Variants in RPH3A observed in about 807,000 individuals in gnomAD.
The protein encoded by RPH3A is rabphilin 3A.
In RPH3A, 48 loss-of-function variants were observed where a neutral mutation model predicts 102.2. That is an observed-to-expected ratio of 0.47 (90% CI 0.37 to 0.60). The LOEUF (loss-of-function observed/expected upper bound fraction) is 0.60. Ranked by LOEUF, RPH3A falls within the 20% of genes least tolerant of loss-of-function variation. RPH3A has a pLI of 0.00. For missense variants in RPH3A, 781 were observed against 910.1 expected (o/e 0.86, Z 1.83); for synonymous variants, 310 against 324.3 (o/e 0.96, Z 0.47).
intron 5 of RPH3A, among the ~76,000 whole-genome samples, chr12:112,859,244 A>G (rs2042467750): frequency 6.6e-6 from 1 of 152,178 alleles, no homozygotes; most frequent in African/African-American, 2.4e-5. Flanking sequence ...ATGAGAGGAA[A>G]CTTGAGCTGC....
intron 4 of RPH3A, chr12:112,842,065 G>A (rs1031680163): frequency 8.8e-6 from 4 of 455,774 alleles, no homozygotes; most frequent in South Asian, 4.6e-5. Context: ...TCCAGGCTGT[G>A]CGTTTTGTTT....
intron 1 of RPH3A, among the ~76,000 whole-genome samples, chr12:112,716,655 T>C (rs1239176846): frequency 6.6e-6 from 1 of 152,202 alleles, no homozygotes; most frequent in Non-Finnish European, 1.5e-5. Flanking sequence ...CCACACCAAG[T>C]CACATGCCCA....
chr12:112,748,177 A>C (rs562064987), intron 1 of RPH3A, among the ~76,000 whole-genome samples: 76 of 152,356 alleles, frequency 5.0e-4, no homozygotes, highest in African/African-American at 1.8e-3. Context: ...CTATGAGGGC[A>C]GAGAACATGT....
At chr12:112,659,552 T>G (rs960146080) in intron 1 of RPH3A, among the ~76,000 whole-genome samples, 1 of 152,224 alleles carries the variant, frequency 6.6e-6, no homozygotes, top group Non-Finnish European at 1.5e-5. Flanking sequence ...CTGATGGTAT[T>G]CAATTTGATC....
At chr12:112,886,150 G>A (rs568896451) in intron 16 of RPH3A, among the ~76,000 whole-genome samples, 1 of 152,238 alleles carries the variant, frequency 6.6e-6, no homozygotes, top group South Asian at 2.1e-4. Context: ...GCCAAGGAGT[G>A]CGGTACTTTT....
chr12:112,748,267 G>A (rs1357806257), intron 1 of RPH3A, among the ~76,000 whole-genome samples: 1 of 152,114 alleles, frequency 6.6e-6, no homozygotes, highest in African/African-American at 2.4e-5. Context: ...GACGTGTATG[G>A]CTATACATTG....
At chr12:112,794,230 T>A (rs1328024077) in intron 2 of RPH3A, among the ~76,000 whole-genome samples, 1 of 152,198 alleles carries the variant, frequency 6.6e-6, no homozygotes, top group Admixed American at 6.5e-5. Context: ...TTTCTGGGCC[T>A]CAGCTTCCCC....
upstream of RPH3A, among the ~76,000 whole-genome samples, chr12:112,790,252 T>A (rs1394135401): frequency 1.3e-5 from 2 of 152,102 alleles, no homozygotes; most frequent in Admixed American, 1.3e-4. Context: ...GAGATGGGGT[T>A]TCACCATGTT....
intron 1 of RPH3A, among the ~76,000 whole-genome samples, chr12:112,625,744 C>A (rs2039764700): frequency 2.8e-5 from 3 of 108,562 alleles, no homozygotes; most frequent in African/African-American, 3.8e-5. Flanking sequence ...GAGCCTGCAT[C>A]GCCAAGTCAA....
At chr12:112,895,419 T>C (rs548693060) in intron 20 of RPH3A, 97 of 192,142 alleles carry the variant, frequency 5.0e-4, no homozygotes, top group African/African-American at 2.2e-3. Context: ...CTACTTTTAT[T>C]CCTAAGCAAT....
At chr12:112,596,957 A>C (rs1293176876) in intron 1 of RPH3A, among the ~76,000 whole-genome samples, 3 of 152,198 alleles carry the variant, frequency 2.0e-5, no homozygotes, top group Admixed American at 1.3e-4. Context: ...ATAGGTTAAA[A>C]ACATTTTTGG....
intron 1 of RPH3A, among the ~76,000 whole-genome samples, chr12:112,743,985 G>A (rs1245658742): frequency 1.3e-5 from 2 of 152,162 alleles, no homozygotes; most frequent in Non-Finnish European, 2.9e-5. Context: ...CACTGGCCTG[G>A]CACATAGTAG....
chr12:112,880,614 G>A (rs2042892414), intron 14 of RPH3A, among the ~76,000 whole-genome samples: 1 of 152,138 alleles, frequency 6.6e-6, no homozygotes. Context: ...GATCCAAGGA[G>A]ATCAATGGAC....
chr12:112,820,399 G>A (rs937854230), intron 2 of RPH3A, among the ~76,000 whole-genome samples: 4 of 152,214 alleles, frequency 2.6e-5, no homozygotes, highest in Non-Finnish European at 5.9e-5. Context: ...AGGCAGCATA[G>A]TAGAGTGATT....
intron 3 of RPH3A, among the ~76,000 whole-genome samples, chr12:112,831,418 C>G (rs115354311): frequency 1.4e-3 from 209 of 152,248 alleles, no homozygotes; most frequent in African/African-American, 4.9e-3. Context: ...ACATCTTCCT[C>G]TAGACAACAC....
At chr12:112,662,053 G>A (rs2040052366) in intron 1 of RPH3A, among the ~76,000 whole-genome samples, 1 of 152,262 alleles carries the variant, frequency 6.6e-6, no homozygotes, top group African/African-American at 2.4e-5. Context: ...GTAGGGACAA[G>A]GGAGGACAAA....
chr12:112,585,871 A>T (rs1472424810), intron 1 of RPH3A, among the ~76,000 whole-genome samples: 1 of 152,156 alleles, frequency 6.6e-6, no homozygotes, highest in African/African-American at 2.4e-5. Flanking sequence ...GATAAGTAGA[A>T]CTCAAACTTT....
intron 2 of RPH3A, among the ~76,000 whole-genome samples, chr12:112,800,107 A>G (rs987026350): frequency 6.6e-6 from 1 of 152,106 alleles, no homozygotes; most frequent in African/African-American, 2.4e-5. Context: ...AAACACATAA[A>G]CAAGAAAACT....
chr12:112,875,185 C>A lies in RPH3A; in HGVS notation c.883+15C>A. 1 of 1,574,236 alleles carries A rather than the reference C, an allele frequency of 6.4e-7. No individual in the cohort carries two copies. The highest frequency in any genetic ancestry group is 8.6e-7 in the Non-Finnish European group (1 of 1,157,312). ...TGGGCAGCCAGGTACCTGCCACTCA[C>A]CTGCTAGCACCTGCCCAGGCTGTCA... On this transcript the variant is annotated intron_variant, in intron 11 of 21. Coordinates refer to ENST00000389385, the MANE Select transcript of RPH3A (RefSeq NM_001143854.2).
Sources: gnomAD v4.1 joint callset for allele counts (sites outside exome capture counted in the v4.1 genomes callset) on GRCh38, gnomAD v4.1.1 for gene constraint, MANE v1.5 for transcripts, NCBI Gene and HGNC (gene_info 2026-07-23, HGNC 2026-07-21) for gene names.